The following C7orf57 variants were observed in gnomAD, a reference collection of about 807,000 sequenced individuals.
The protein encoded by C7orf57 is chromosome 7 open reading frame 57, also known as uncharacterized protein C7orf57.
In C7orf57, 33 loss-of-function variants were observed where a neutral mutation model predicts 39.0. That is an observed-to-expected ratio of 0.85 (90% CI 0.64 to 1.13). The LOEUF (loss-of-function observed/expected upper bound fraction) is 1.13, where lower values mean the gene tolerates loss of function less well. C7orf57 is among the 50% of genes most tolerant of loss of function. The pLI, the probability that C7orf57 is intolerant of heterozygous loss-of-function variation, is 0.00. For missense variants in C7orf57, 346 were observed against 362.3 expected, an observed-to-expected ratio of 0.95 and a Z score of 0.37; for synonymous variants, 124 against 137.1, an observed-to-expected ratio of 0.90 and a Z score of 0.67.
At chr7:48,043,201 T>C (rs991640640) in intron 3 of C7orf57, among the ~76,000 whole-genome samples, 1 of 152,022 alleles carries the variant, frequency 6.6e-6, no homozygotes, top group East Asian at 1.9e-4. Context: ...CTGGCCTGCA[T>C]AGATGCAGCT....
At chr7:48,051,115 C>T (rs1790860734) in intron 6 of C7orf57, among the ~76,000 whole-genome samples, 1 of 135,476 alleles carries the variant, frequency 7.4e-6, no homozygotes, top group Admixed American at 7.3e-5. Context: ...GGAGACAAAC[C>T]TGTGTAAGAG....
rs1354500281 is a variant in C7orf57, at chr7:48,046,330, G to A, written c.351-130G>A. Reference sequence around the variant, plus strand: ...GAGAGAGAGAGGAGAAAGGAAAGGAGGGAGACAGTGAGAGAAGGAGGGAGA... The same window carrying A: ...GAGAGAGAGAGGAGAAAGGAAAGGAAGGAGACAGTGAGAGAAGGAGGGAGA... On this transcript the variant is annotated intron_variant, in intron 4 of 8. Transcript: ENST00000348904. 4 of 773,706 alleles carry A rather than the reference G, an allele frequency of 5.2e-6. No individual in the cohort carries two copies. In the African/African-American group the frequency reaches 5.3e-5, roughly 10 times the overall value. The allele number at this position is 773,706 out of a possible 1,614,324, so 47.9% of individuals were successfully genotyped here. A position where few individuals can be genotyped will look rare whatever the true frequency, so the allele number is the denominator to read the frequency against.
Position 48,046,607 on chromosome 7 carries a change from GA to G in C7orf57, c.506del (p.Lys169SerfsTer2), listed in dbSNP as rs747591930. The G allele has an allele frequency of 2.9e-5, 47 of 1,607,840 alleles. No homozygotes were observed. Among genetic ancestry groups the G allele is most frequent in the African/African-American group, 2.8e-4 (21 of 74,406 alleles). ...QREAEELEKE[K>X]KKLRLPAIDS... ...GAGAGGCTGAGGAACTTGAAAAGGA[GA>G]AAAAAAAGGTGACGGGAGCCCATAA... On this transcript the variant is annotated frameshift_variant, in exon 5 of 9. Transcript: ENST00000348904. LOFTEE classifies it high-confidence loss of function.
In C7orf57 at chr7:48,052,682, A is replaced by G. The variant is rs1009142006; in HGVS notation, c.606-18A>G. On this transcript the variant is annotated intron_variant, in intron 6 of 8. Coordinates refer to ENST00000348904, the MANE Select transcript of C7orf57 (RefSeq NM_001100159.3). ...AACCCTTGTACTTAAGTTTCACATT[A>G]CTTTTACTCTTTTTAAGGCCTGGTC... 6.2e-7 allele frequency: 1 copy of G among 1,603,356 alleles called. No homozygotes were observed.
chr7:48,056,174 T>C (rs762885661), intron 8 of C7orf57, among the ~76,000 whole-genome samples: 2 of 152,230 alleles, frequency 1.3e-5, no homozygotes, highest in Non-Finnish European at 2.9e-5. Flanking sequence ...TGTGAGATGA[T>C]ATCTCATTGT....
In C7orf57 at chr7:48,035,575, A is replaced by G; in HGVS notation, c.-157A>G. The G allele has an allele frequency of 2.9e-6, 2 of 697,626 alleles. No homozygotes were observed. Among genetic ancestry groups the G allele is most frequent in the South Asian group, 1.5e-5 (1 of 67,214 alleles). The allele number at this position is 697,626 out of a possible 1,614,324, so 43.2% of individuals were successfully genotyped here. Reference sequence around the variant, plus strand: ...GTTGGCTGCAGCCAGCCAGCCGTGTAAAAACTCCAACGCCGGGCGCCGCGG... The same window carrying G: ...GTTGGCTGCAGCCAGCCAGCCGTGTGAAAACTCCAACGCCGGGCGCCGCGG... On this transcript the variant is annotated 5_prime_UTR_variant, in exon 1 of 9. Coordinates refer to ENST00000348904, the MANE Select transcript of C7orf57 (RefSeq NM_001100159.3). This position sits in a 1 kb window ranked among gnomAD's most constrained non-coding sequence, Gnocchi z 4.0.
At chr7:48,056,946 G>A (rs1198488569) in intron 8 of C7orf57, among the ~76,000 whole-genome samples, 1 of 152,002 alleles carries the variant, frequency 6.6e-6, no homozygotes, top group East Asian at 1.9e-4. Context: ...CTGTTAATGT[G>A]TGGGTTTATT....
intron 5 of C7orf57, among the ~76,000 whole-genome samples, chr7:48,047,904 CTT>C (rs1790763174): frequency 6.6e-6 from 1 of 152,130 alleles, no homozygotes; most frequent in Non-Finnish European, 1.5e-5. Flanking sequence ...AGATTTATCT[CTT>C]AGTGTTGCAC....
intron 8 of C7orf57, among the ~76,000 whole-genome samples, chr7:48,056,193 T>C (rs1218834655): frequency 6.6e-6 from 1 of 152,220 alleles, no homozygotes; most frequent in Non-Finnish European, 1.5e-5. Flanking sequence ...GTGGTTTTCA[T>C]TTGCATTTCC....
chr7:48,037,658 A>G (rs1308521809), intron 2 of C7orf57, among the ~76,000 whole-genome samples: 1 of 152,182 alleles, frequency 6.6e-6, no homozygotes. Flanking sequence ...TATATAAAAA[A>G]TCTATAGGAT....
At chr7:48,037,768 TGCGCGC>T (rs71298786) in intron 2 of C7orf57, among the ~76,000 whole-genome samples, 2 of 150,328 alleles carry the variant, frequency 1.3e-5, no homozygotes, top group African/African-American at 2.4e-5. Flanking sequence ...TGTGTGTGTG[TGCGCGC>T]GCGTGCGTGT....
chr7:48,055,544 A>G (rs1449889423), intron 8 of C7orf57, among the ~76,000 whole-genome samples: 1 of 152,180 alleles, frequency 6.6e-6, no homozygotes, highest in African/African-American at 2.4e-5. Flanking sequence ...TTGCTGTGAA[A>G]TAGATAATTA....
intron 8 of C7orf57, among the ~76,000 whole-genome samples, chr7:48,057,051 G>GATGCCAT (rs975946041): frequency 2.7e-5 from 4 of 147,476 alleles, no homozygotes; most frequent in African/African-American, 9.9e-5. Flanking sequence ...GAAATCAGAT[G>GATGCCAT]ATGCCATATA....
chr7:48,051,983 C>CT (rs1385729889), intron 6 of C7orf57, among the ~76,000 whole-genome samples: 9 of 70,652 alleles, frequency 1.3e-4, no homozygotes, highest in Non-Finnish European at 2.2e-4. Flanking sequence ...TCTTTCTTTT[C>CT]TTTTTTTTGA....
chr7:48,043,445 G>C, intron 3 of C7orf57, 36 bp from the exon 4 acceptor site: 2 of 1,517,328 alleles, frequency 1.3e-6, no homozygotes, highest in Non-Finnish European at 1.8e-6. Flanking sequence ...TAGGGGCGGC[G>C]GGGTGTCTCA....
In C7orf57 at chr7:48,060,591, C is replaced by T; in HGVS notation, c.*319C>T. ...CTCCTATTGTGTGAACCACTCTTAG[C>T]AGGCATTGCTACTGGATTCTTAACT... On this transcript the variant is annotated 3_prime_UTR_variant, in exon 9 of 9. Transcript: ENST00000348904. 1.0e-5 allele frequency: 2 copies of T among 198,274 alleles called. No homozygotes were observed. Among genetic ancestry groups the T allele is most frequent in the Non-Finnish European group, 2.0e-5 (2 of 98,442 alleles). 12.3% of individuals were successfully genotyped at this position (198,274 alleles called of 1,614,324 possible).
At chr7:48,036,132 G>T in intron 1 of C7orf57, 76 bp from the exon 2 acceptor site, 1 of 679,972 alleles carries the variant, frequency 1.5e-6, no homozygotes. Context: ...CTAGGCGATC[G>T]TAAGGCGCCT....
rs758724934 is a variant in C7orf57 at position 48,043,572 on chromosome 7, G to A, written c.333G>A (p.Pro111=). Residue 111 remains proline, a synonymous_variant, in exon 4 of 9, where the codon CCG becomes CCA. Transcript: ENST00000348904. ...PDWYIHHSKP[P]TASQQEVRAV... ...GGTATATCCACCACAGCAAGCCACC[G>A]ACAGCCAGCCAGCAAGAGTAAGTAC... The A allele has an allele frequency of 8.1e-6, 13 of 1,613,646 alleles. No homozygotes were observed. The highest frequency in any genetic ancestry group is 6.7e-5 in the East Asian group (3 of 44,886).
intron 8 of C7orf57, among the ~76,000 whole-genome samples, chr7:48,057,267 A>G (rs1791143321): frequency 6.6e-6 from 1 of 152,024 alleles, no homozygotes; most frequent in Non-Finnish European, 1.5e-5. Context: ...TATGTAGGCT[A>G]TGTTTCCATT....
Sources: allele counts gnomAD v4.1 joint callset (sites outside exome capture counted in the v4.1 genomes callset), GRCh38; gene constraint gnomAD v4.1.1; non-coding constraint Gnocchi (gnomAD v3.1); transcripts MANE v1.5; gene names NCBI Gene and HGNC (gene_info 2026-07-23, HGNC 2026-07-21).